The following GFRA1 variants were observed in gnomAD, a reference collection of about 807,000 sequenced individuals.
The protein encoded by GFRA1 is GDNF family receptor alpha 1.
Under a neutral mutation model 51.6 loss-of-function variants are expected in GFRA1, and 16 were observed. The ratio of observed to expected loss-of-function variants is 0.31; its 90% confidence interval spans 0.21 to 0.47. The LOEUF is 0.47. Ranked by LOEUF, GFRA1 falls within the 20% of genes least tolerant of loss-of-function variation. The pLI is 1.00. For synonymous variants in GFRA1, 270 were observed against 241.3 expected (o/e 1.12, Z -1.10); for missense variants, 530 against 594.3 (o/e 0.89, Z 1.13).
intron 5 of GFRA1, among the ~76,000 whole-genome samples, chr10:116,205,759 A>G (rs942419778): frequency 2.0e-5 from 3 of 151,904 alleles, no homozygotes; most frequent in Non-Finnish European, 4.4e-5. Flanking sequence ...CCTCACCCCA[A>G]ACTCATGCCC....
At chr10:116,168,746 A>G (rs1960745722) in intron 5 of GFRA1, among the ~76,000 whole-genome samples, 1 of 151,978 alleles carries the variant, frequency 6.6e-6, no homozygotes, top group Non-Finnish European at 1.5e-5. Context: ...TGAATATCTC[A>G]TATATATTGT....
At chr10:116,216,066 A>G (rs1291835862) in intron 4 of GFRA1, among the ~76,000 whole-genome samples, 4 of 152,096 alleles carry the variant, frequency 2.6e-5, no homozygotes, top group Non-Finnish European at 5.9e-5. Context: ...CCCTTCCCCC[A>G]CAGCTACTAA....
intron 5 of GFRA1, among the ~76,000 whole-genome samples, chr10:116,126,349 G>A (rs1345916186): frequency 6.6e-6 from 1 of 152,234 alleles, no homozygotes; most frequent in South Asian, 2.1e-4. Context: ...TACCACCAGG[G>A]AAGCCAGTGC....
intron 4 of GFRA1, among the ~76,000 whole-genome samples, chr10:116,241,653 T>A (rs971421580): frequency 6.6e-6 from 1 of 152,170 alleles, no homozygotes; most frequent in Admixed American, 6.5e-5. Context: ...ATTGGATATT[T>A]TTCTAAACAT....
In GFRA1 at chr10:116,182,573, C is replaced by G. The variant is rs777430865; in HGVS notation, c.433+29058G>C. ...CCTAGATGCTAAGACTGGTTCCAAC[C>G]AGATCAAGCTGTTCCCATCTTCTAA... On this transcript the variant is annotated intron_variant, in intron 5 of 10. Coordinates refer to ENST00000355422, the MANE Select transcript of GFRA1 (RefSeq NM_005264.8). 4.6e-5 allele frequency among the ~76,000 whole-genome samples: 7 copies of G among 152,168 alleles called. No homozygotes were observed. In the East Asian group the frequency reaches 7.7e-4, roughly 17 times the overall value.
intron 5 of GFRA1, among the ~76,000 whole-genome samples, chr10:116,197,886 C>A (rs1964021223): frequency 6.6e-6 from 1 of 152,116 alleles, no homozygotes; most frequent in Non-Finnish European, 1.5e-5. Flanking sequence ...GACAACAGGT[C>A]CCAGGGACCA....
chr10:116,140,434 T>C (rs2134089766), intron 5 of GFRA1, among the ~76,000 whole-genome samples: 1 of 152,308 alleles, frequency 6.6e-6, no homozygotes, highest in East Asian at 1.9e-4. Context: ...TTCTATTTGA[T>C]AGTATAAGTG....
intron 5 of GFRA1, among the ~76,000 whole-genome samples, chr10:116,192,027 A>C (rs1963313870): frequency 6.6e-6 from 1 of 152,188 alleles, no homozygotes; most frequent in Non-Finnish European, 1.5e-5. Flanking sequence ...GACTTCATCT[A>C]AAAAATAAAA....
At chr10:116,266,574 T>C (rs561227232) in intron 4 of GFRA1, among the ~76,000 whole-genome samples, 3 of 152,320 alleles carry the variant, frequency 2.0e-5, no homozygotes, top group African/African-American at 7.2e-5. Flanking sequence ...GCCCTTGAGA[T>C]AGAAAATGGG....
intron 5 of GFRA1, among the ~76,000 whole-genome samples, chr10:116,189,576 T>C (rs2134315734): frequency 6.6e-6 from 1 of 152,336 alleles, no homozygotes; most frequent in African/African-American, 2.4e-5. Flanking sequence ...TAATTCTCTT[T>C]AAGTGTCCAT....
rs189647626 is a variant in GFRA1, at chr10:116,249,484, G to A, written c.418+20019C>T. The stretch of plus-strand genomic sequence containing the variant: ...TGTCCTACTTCTGGCCTTCTGATAC[G>A]TCCTAAGTGCTGACAAATTTTCTTT... On this transcript the variant is annotated intron_variant, in intron 4 of 10. Transcript: ENST00000355422. Among the ~76,000 whole-genome samples, 37 of 152,260 alleles carry A rather than the reference G, an allele frequency of 2.4e-4. No individual in the cohort carries two copies. The Middle Eastern group carries it at 0.01, about 42-fold the overall frequency.
intron 6 of GFRA1, 64 bp from the exon 7 acceptor site, chr10:116,096,828 A>G (rs1006685664): frequency 4.6e-6 from 4 of 861,224 alleles, no homozygotes; most frequent in Non-Finnish European, 7.7e-6. Flanking sequence ...GCCTCCGGAC[A>G]GACATGTTTT....
intron 5 of GFRA1, among the ~76,000 whole-genome samples, chr10:116,186,036 A>C (rs559615385): frequency 6.6e-6 from 1 of 152,246 alleles, no homozygotes; most frequent in South Asian, 2.1e-4. Context: ...AGTAGGTGGG[A>C]GAGCAAGAAC....
intron 5 of GFRA1, among the ~76,000 whole-genome samples, chr10:116,167,862 T>C (rs1412643522): frequency 6.6e-6 from 1 of 152,086 alleles, no homozygotes; most frequent in African/African-American, 2.4e-5. Context: ...GAGTCAGCCT[T>C]CATGTCAAGT....
chr10:116,105,852 C>T (rs555845926), intron 6 of GFRA1, among the ~76,000 whole-genome samples: 15 of 152,298 alleles, frequency 9.8e-5, no homozygotes, highest in South Asian at 4.1e-4. Flanking sequence ...GAATGCCTAC[C>T]TTTGGGTAGG....
intron 4 of GFRA1, among the ~76,000 whole-genome samples, chr10:116,256,884 G>A (rs1014029807): frequency 5.3e-5 from 8 of 149,570 alleles, no homozygotes; most frequent in African/African-American, 2.0e-4. Flanking sequence ...GAGAAAGGCT[G>A]GACAGCACCA....
At chr10:116,246,042 T>C (rs977626757) in intron 4 of GFRA1, among the ~76,000 whole-genome samples, 3 of 152,200 alleles carry the variant, frequency 2.0e-5, no homozygotes, top group African/African-American at 4.8e-5. Flanking sequence ...TAGAACTGTT[T>C]AACATAAAGA....
chr10:116,093,659 A>C, intron 8 of GFRA1, 43 bp downstream of exon 8: 1 of 1,589,074 alleles, frequency 6.3e-7, no homozygotes, highest in Non-Finnish European at 8.6e-7. Context: ...CTCGGAGAAG[A>C]AAATGCGTTT....
At chr10:116,084,370 GTC>G (rs1565562082) in intron 9 of GFRA1, among the ~76,000 whole-genome samples, 1 of 152,200 alleles carries the variant, frequency 6.6e-6, no homozygotes, top group Non-Finnish European at 1.5e-5. Flanking sequence ...GGTCCTCCAT[GTC>G]TCACCCACAG....
Sources: allele counts gnomAD v4.1 joint callset (sites outside exome capture counted in the v4.1 genomes callset), GRCh38; gene constraint gnomAD v4.1.1; transcripts MANE v1.5; gene names NCBI Gene and HGNC (gene_info 2026-07-23, HGNC 2026-07-21).